LAMA1: variants seen among roughly 807,000 people sequenced by gnomAD.
LAMA1 encodes laminin subunit alpha 1.
In LAMA1, 219 loss-of-function variants were observed where a neutral mutation model predicts 348.7. The observed-to-expected ratio is 0.63, with a 90% CI of 0.56 to 0.70. The LOEUF is 0.70. Among genes scored for constraint, LAMA1 ranks in the 30% least tolerant of loss-of-function variants. LAMA1 has a pLI of 0.00. For missense variants in LAMA1, 3,744 were observed against 3,888.0 expected, an observed-to-expected ratio of 0.96 and a Z score of 0.99; for synonymous variants, 1,487 against 1,491.0, an observed-to-expected ratio of 1.00 and a Z score of 0.06.
rs965456185 is a variant in LAMA1 at position 7,012,261 on chromosome 18, T to C, written c.3364-123A>G. On this transcript the variant is annotated intron_variant, in intron 23 of 62. Coordinates refer to ENST00000389658, the MANE Select transcript of LAMA1 (RefSeq NM_005559.4). ...ATAATTATAGATGCACAAACATTAG[T>C]TTCCTCTAGCCAGGCCCGGAGCTTT... 7.4e-6 allele frequency: 8 copies of C among 1,081,720 alleles called. No individual in the cohort carries two copies. In the African/African-American group the frequency reaches 1.1e-4, roughly 15 times the overall value. The allele number at this position is 1,081,720 out of a possible 1,614,324, so 67.0% of individuals were successfully genotyped here.
intron 1 of LAMA1, among the ~76,000 whole-genome samples, chr18:7,092,028 CACCAATGGCAG>C (rs1487690594): frequency 6.6e-6 from 1 of 152,168 alleles, no homozygotes; most frequent in Non-Finnish European, 1.5e-5. Context: ...TTACCTTATG[CACCAATGGCAG>C]ACAAATATAT....
chr18:7,048,870 C>A, intron 5 of LAMA1, among the ~76,000 whole-genome samples: 1 of 152,004 alleles, frequency 6.6e-6, no homozygotes. Context: ...GGTGAGGGAC[C>A]TAAGGATATG....
intron 10 of LAMA1, among the ~76,000 whole-genome samples, chr18:7,039,260 A>G (rs1466745760): frequency 6.6e-6 from 1 of 152,210 alleles, no homozygotes; most frequent in Non-Finnish European, 1.5e-5. Flanking sequence ...GAAGAGAGCT[A>G]TAGAATTTTC....
intron 57 of LAMA1, among the ~76,000 whole-genome samples, chr18:6,952,934 G>A (rs1167617222): frequency 6.7e-6 from 1 of 149,914 alleles, no homozygotes; most frequent in African/African-American, 2.5e-5. Flanking sequence ...GTCTGCCTGT[G>A]TCCAGTGGAT....
At chr18:7,011,272 C>G in intron 25 of LAMA1, 28 bp downstream of exon 25, 1 of 1,608,354 alleles carries the variant, frequency 6.2e-7, no homozygotes, top group Non-Finnish European at 8.5e-7. Flanking sequence ...GAAGCACCGA[C>G]TGGCTCTCGG....
At chr18:7,092,279 C>A (rs1215403109) in intron 1 of LAMA1, among the ~76,000 whole-genome samples, 3 of 152,146 alleles carry the variant, frequency 2.0e-5, no homozygotes, top group Admixed American at 2.0e-4. Flanking sequence ...TCATTGTCTC[C>A]AATTCTTTGC....
chr18:7,014,659 G>C (rs1023852472), intron 22 of LAMA1, among the ~76,000 whole-genome samples: 1 of 149,922 alleles, frequency 6.7e-6, no homozygotes, highest in Non-Finnish European at 1.5e-5. Context: ...AAAAAAAAAA[G>C]TAATTTCCTC....
chr18:6,978,476 T>A, intron 42 of LAMA1, 98 bp from the exon 43 acceptor site: 1 of 1,163,308 alleles, frequency 8.6e-7, no homozygotes, highest in Non-Finnish European at 1.3e-6. Context: ...AAATATATTA[T>A]TGTCATATTA....
At chr18:7,008,436 A>G in intron 28 of LAMA1, 52 bp downstream of exon 28, 4 of 1,609,880 alleles carry the variant, frequency 2.5e-6, no homozygotes, top group Non-Finnish European at 3.4e-6. Flanking sequence ...TGCTGTAACA[A>G]GCACATTTCA....
chr18:6,971,973 A>G lies in LAMA1; in HGVS notation c.6783T>C (p.Pro2261=). ...CTTTAAAATGAGTAACCTTCACAGC[A>G]GGAGATTTCTAATGCAAACAAGCAA... ...GGLGGQIKKS[P]AVKVTHFKGC... is the part of the protein sequence containing the mutation. The change falls in exon 48 of 63, where the codon CCT becomes CCC. Residue 2261 remains proline (P), a synonymous_variant. Coordinates refer to ENST00000389658, the MANE Select transcript of LAMA1 (RefSeq NM_005559.4). The G allele has an allele frequency of 6.2e-7, 1 of 1,614,066 alleles. No homozygotes were observed. Among genetic ancestry groups the G allele is most frequent in the Non-Finnish European group, 8.5e-7 (1 of 1,180,006 alleles).
chr18:6,969,514 A>G (rs1200242877), intron 48 of LAMA1, among the ~76,000 whole-genome samples: 1 of 152,218 alleles, frequency 6.6e-6, no homozygotes, highest in Admixed American at 6.5e-5. Context: ...AACATTTATG[A>G]TCAGTACACA....
chr18:7,047,091 C>G (rs1406391249), intron 5 of LAMA1, among the ~76,000 whole-genome samples: 1 of 149,168 alleles, frequency 6.7e-6, no homozygotes, highest in African/African-American at 2.5e-5. Flanking sequence ...ATCACCCAGG[C>G]TGGAGTGCAG....
chr18:7,041,957 T>C (rs1249230485), intron 9 of LAMA1, among the ~76,000 whole-genome samples, 188 bp downstream of exon 9: 1 of 152,210 alleles, frequency 6.6e-6, no homozygotes, highest in African/African-American at 2.4e-5. Flanking sequence ...TTTGACTACC[T>C]TGTTAAGTAC....
Position 6,962,028 on chromosome 18 carries a change from A to G in LAMA1, c.7369T>C (p.Cys2457Arg), listed in dbSNP as rs2057610457. The change falls in exon 52 of 63, where the codon TGC (cysteine) becomes CGC (arginine). Residue 2457 changes from cysteine to arginine, a missense_variant. By Grantham distance (180) the Cys-to-Arg change is radical (BLOSUM62 -3). Transcript: ENST00000389658. ...CTGGATATTTCCAGGTTCTTGATGC[A>G]GCCCACAAAGCTTTTGGTGGTGACA... is the stretch of plus-strand genomic sequence containing the variant. ...RGVTTKSFVG[C>R]IKNLEISRST... 6.2e-7 allele frequency: 1 copy of G among 1,614,198 alleles called. No individual in the cohort carries two copies. Among genetic ancestry groups the G allele is most frequent in the South Asian group, 1.1e-5 (1 of 91,084 alleles).
chr18:7,043,118 T>C (rs2058027616), intron 8 of LAMA1, 109 bp downstream of exon 8: 1 of 1,025,290 alleles, frequency 9.8e-7, no homozygotes, highest in Non-Finnish European at 1.5e-6. Flanking sequence ...AACAAGGATA[T>C]AAATGAAATA....
chr18:6,981,319 T>C (rs1336098769), intron 41 of LAMA1, among the ~76,000 whole-genome samples: 1 of 152,146 alleles, frequency 6.6e-6, no homozygotes, highest in Non-Finnish European at 1.5e-5. Flanking sequence ...CTCCTCTGGG[T>C]TGTAAAACCC....
intron 58 of LAMA1, among the ~76,000 whole-genome samples, chr18:6,950,166 G>A (rs535003093): frequency 7.9e-5 from 12 of 152,092 alleles, no homozygotes; most frequent in Non-Finnish European, 1.5e-4. Flanking sequence ...TCGACCCCCT[G>A]TGATTTCTTC....
chr18:6,973,312 T>C, intron 46 of LAMA1, 105 bp from the exon 47 acceptor site: 3 of 989,466 alleles, frequency 3.0e-6, no homozygotes, highest in Non-Finnish European at 4.7e-6. Flanking sequence ...CCAAGGGCCC[T>C]GCAACAGCAC....
chr18:6,949,219 A>G lies in LAMA1; in HGVS notation c.8438T>C (p.Val2813Ala). Residue 2813 changes from valine (V) to alanine (A), a missense_variant, in exon 59 of 63, where the codon GTC becomes GCC. By Grantham distance (64) the Val-to-Ala change is moderately conservative. Around this residue, in one of 3 missense-constraint regions of LAMA1, gnomAD observed 1,983 missense variants for 1,934.3 expected, o/e 1.03. Transcript: ENST00000389658. The stretch of plus-strand genomic sequence containing the variant: ...CACCATGGGAGACTCTCGGCCGTCG[A>G]CAGTTATGAAGCCTTTTCTTTTAAC... The part of the protein sequence containing the change: ...DYVKRKGFIT[V>A]DGRESPMVTV... 1 of 1,614,214 alleles carries G rather than the reference A, an allele frequency of 6.2e-7. No homozygotes were observed. Among genetic ancestry groups the G allele is most frequent in the Non-Finnish European group, 8.5e-7 (1 of 1,180,034 alleles).
Sources: gnomAD v4.1 joint callset for allele counts (sites outside exome capture counted in the v4.1 genomes callset) on GRCh38, gnomAD v4.1.1 for gene constraint, gnomAD v4.1.1 regional missense constraint, MANE v1.5 for transcripts, NCBI Gene and HGNC (gene_info 2026-07-23, HGNC 2026-07-21) for gene names.